The following MTRES1 variants were observed in gnomAD, a reference collection of about 807,000 sequenced individuals.
MTRES1 encodes uncharacterized protein C6orf203.
MTRES1 carries 11 observed loss-of-function variants against 17.4 expected under a neutral mutation model. The observed-to-expected ratio is 0.63, with a 90% CI of 0.40 to 1.05. The LOEUF (loss-of-function observed/expected upper bound fraction) is 1.05, where lower values mean the gene tolerates loss of function less well. Among genes scored for constraint, MTRES1 ranks in the 50% least tolerant of loss-of-function variants. The probability of loss-of-function intolerance (pLI) is 0.00; values close to 1 mark genes in which losing one functional copy is unlikely to be tolerated. For missense variants in MTRES1, 268 were observed against 276.2 expected (o/e 0.97, Z 0.21); for synonymous variants, 94 against 99.6 (o/e 0.94, Z 0.34).
At chr6:107,050,984 CAG>C (rs1266463011) in intron 3 of MTRES1, 71 bp from the exon 4 acceptor site, 2 of 1,260,952 alleles carry the variant, frequency 1.6e-6, no homozygotes, top group African/African-American at 1.5e-5. Context: ...GGTGAAAACT[CAG>C]AGCAGTAATG....
chr6:107,039,163 G>A (rs1308063446), intron 1 of MTRES1, among the ~76,000 whole-genome samples: 1 of 152,170 alleles, frequency 6.6e-6, no homozygotes, highest in Non-Finnish European at 1.5e-5. Flanking sequence ...GAGAAGAGTA[G>A]AACCAGTGCT....
chr6:107,035,778 AGCTGAGATAACAG>A (rs1376036202), intron 1 of MTRES1, among the ~76,000 whole-genome samples: 46 of 152,022 alleles, frequency 3.0e-4, no homozygotes, highest in African/African-American at 1.0e-3. Flanking sequence ...CCTCCCGAGT[AGCTGAGATAACAG>A]GCACCCACCA....
intron 1 of MTRES1, chr6:107,029,031 G>A (rs1026574128): frequency 1.3e-4 from 37 of 281,828 alleles, no homozygotes; most frequent in African/African-American, 9.3e-4. Context: ...GTTTTGTTTT[G>A]TTTTGTTTTT....
At chr6:107,046,703 GC>G (rs1554228407) in intron 3 of MTRES1, among the ~76,000 whole-genome samples, 1 of 152,138 alleles carries the variant, frequency 6.6e-6, no homozygotes, top group East Asian at 1.9e-4. Context: ...TGATGCTGCA[GC>G]TCTAACCCTG....
At chr6:107,042,104 G>A (rs1286415459) in intron 2 of MTRES1, among the ~76,000 whole-genome samples, 1 of 151,862 alleles carries the variant, frequency 6.6e-6, no homozygotes, top group Non-Finnish European at 1.5e-5. Flanking sequence ...ACTTTGGGAG[G>A]CCAAGGCAGG....
chr6:107,051,099 A>T lies in MTRES1; in HGVS notation c.586A>T (p.Lys196Ter). 6.2e-7 allele frequency: 1 copy of T among 1,613,840 alleles called. No individual in the cohort carries two copies. The highest frequency in any genetic ancestry group is 1.1e-5 in the South Asian group (1 of 91,052). ...DTLDLLIGEDKEAGTETVMRI... is the reference protein window; with the variant it reads ...DTLDLLIGED Reference sequence around the variant, plus strand: ...ATTGGATCTTCTCATTGGAGAGGATAAAGAAGCAGGAACAGAGACAGTTAT... The same window carrying T: ...ATTGGATCTTCTCATTGGAGAGGATTAAGAAGCAGGAACAGAGACAGTTAT... Residue 196 changes from lysine (K) to a stop codon, truncating the protein, a stop_gained, in exon 4 of 4, where the codon AAA becomes TAA. Transcript: ENST00000311381. LOFTEE classifies it high-confidence loss of function.
chr6:107,029,381 G>T (rs1333890351), intron 1 of MTRES1, among the ~76,000 whole-genome samples: 3 of 152,118 alleles, frequency 2.0e-5, no homozygotes, highest in Non-Finnish European at 2.9e-5. Flanking sequence ...TAGAGACGGG[G>T]TTTCACCGTG....
chr6:107,033,117 A>G (rs1773896639), intron 1 of MTRES1, among the ~76,000 whole-genome samples: 1 of 152,162 alleles, frequency 6.6e-6, no homozygotes, highest in African/African-American at 2.4e-5. Flanking sequence ...ATTTCTAGAA[A>G]TTGAATCTGC....
At chr6:107,029,634 C>G (rs1304139981) in intron 1 of MTRES1, among the ~76,000 whole-genome samples, 1 of 152,082 alleles carries the variant, frequency 6.6e-6, no homozygotes, top group Non-Finnish European at 1.5e-5. Flanking sequence ...CAGGTGTGCA[C>G]CACCACGCTT....
At chr6:107,038,233 C>T (rs1412206623) in intron 1 of MTRES1, among the ~76,000 whole-genome samples, 2 of 152,060 alleles carry the variant, frequency 1.3e-5, no homozygotes, top group Non-Finnish European at 2.9e-5. Context: ...TTGAGTGAGC[C>T]ATAATCAGAG....
At chr6:107,035,471 T>TG (rs1773978254) in intron 1 of MTRES1, among the ~76,000 whole-genome samples, 1 of 152,068 alleles carries the variant, frequency 6.6e-6, no homozygotes, top group South Asian at 2.1e-4. Flanking sequence ...ACAGACTTCC[T>TG]GGGGATGATG....
At chr6:107,048,127 T>C (rs1287997554) in intron 3 of MTRES1, among the ~76,000 whole-genome samples, 1 of 151,830 alleles carries the variant, frequency 6.6e-6, no homozygotes, top group Non-Finnish European at 1.5e-5. Context: ...TAAAGCAGAG[T>C]TCCCAAGCCT....
intron 1 of MTRES1, among the ~76,000 whole-genome samples, chr6:107,031,628 C>T (rs1430777362): frequency 6.7e-6 from 1 of 148,840 alleles, no homozygotes; most frequent in Admixed American, 6.8e-5. Context: ...TTTGAGACGT[C>T]TCACTCTTGT....
intron 1 of MTRES1, among the ~76,000 whole-genome samples, chr6:107,029,515 G>A (rs563916636): frequency 1.5e-5 from 2 of 137,254 alleles, no homozygotes; most frequent in South Asian, 4.7e-4. Context: ...TTTGACACTC[G>A]CTCTGTCGCC....
intron 1 of MTRES1, among the ~76,000 whole-genome samples, chr6:107,032,726 G>A (rs1042695218): frequency 6.6e-6 from 1 of 152,090 alleles, no homozygotes; most frequent in Non-Finnish European, 1.5e-5. Context: ...AAATGCCTGA[G>A]CATCCTTGAA....
At chr6:107,045,977 T>C (rs1451809485) in intron 3 of MTRES1, among the ~76,000 whole-genome samples, 2 of 152,222 alleles carry the variant, frequency 1.3e-5, no homozygotes, top group Non-Finnish European at 2.9e-5. Context: ...CTTCCTGCAG[T>C]CCTTGCTAAC....
chr6:107,032,687 G>C (rs371471952), intron 1 of MTRES1, among the ~76,000 whole-genome samples: 1 of 152,108 alleles, frequency 6.6e-6, no homozygotes, highest in Non-Finnish European at 1.5e-5. Context: ...CCGGGTGACA[G>C]TGCAAGACTC....
chr6:107,044,274 C>T lies in MTRES1; in HGVS notation c.485C>T (p.Ala162Val). The T allele has an allele frequency of 6.2e-7, 1 of 1,613,674 alleles. No homozygotes were observed. The highest frequency in any genetic ancestry group is 8.5e-7 in the Non-Finnish European group (1 of 1,179,774). Reference sequence around the variant, plus strand: ...TTGTTTTGTAGCAAAGTGGAAGATGCTTTCTACAAAGGTGAACTCAGGCTG... The same window carrying T: ...TTGTTTTGTAGCAAAGTGGAAGATGTTTTCTACAAAGGTGAACTCAGGCTG... ...LDIGRNKVED[A>V]FYKGELRLNE... The change falls in exon 3 of 4, where the codon GCT becomes GTT. Residue 162 changes from alanine (A) to valine (V), a missense_variant. Transcript: ENST00000311381.
At chr6:107,041,846 G>C (rs1486964900) in intron 2 of MTRES1, among the ~76,000 whole-genome samples, 1 of 152,008 alleles carries the variant, frequency 6.6e-6, no homozygotes, top group Non-Finnish European at 1.5e-5. Flanking sequence ...TTAGTATTCT[G>C]ATTCCCTCTC....
Sources: allele counts gnomAD v4.1 joint callset (sites outside exome capture counted in the v4.1 genomes callset), GRCh38; gene constraint gnomAD v4.1.1; transcripts MANE v1.5; gene names NCBI Gene and HGNC (gene_info 2026-07-23, HGNC 2026-07-21).